The following ZGRF1 variants were observed in gnomAD, a reference collection of about 807,000 sequenced individuals.
ZGRF1 encodes the protein 5'-3' DNA helicase ZGRF1.
A neutral mutation model predicts 203.5 loss-of-function variants in ZGRF1; 196 were observed. The observed-to-expected ratio is 0.96, with a 90% CI of 0.86 to 1.08. The LOEUF (loss-of-function observed/expected upper bound fraction) is 1.08, where lower values mean the gene tolerates loss of function less well. ZGRF1 is among the 50% of genes least tolerant of loss of function. The pLI is 0.00. For missense variants in ZGRF1, 2,326 were observed against 2,416.3 expected, an observed-to-expected ratio of 0.96 and a Z score of 0.78; for synonymous variants, 809 against 841.3, an observed-to-expected ratio of 0.96 and a Z score of 0.66.
intron 7 of ZGRF1, among the ~76,000 whole-genome samples, chr4:112,609,844 T>C (rs891629459): frequency 6.7e-6 from 1 of 150,246 alleles, no homozygotes; most frequent in Non-Finnish European, 1.5e-5. Flanking sequence ...CCATCACTAA[T>C]ATGAAATAAA....
chr4:112,553,407 A>G (rs1283765875), intron 22 of ZGRF1, among the ~76,000 whole-genome samples: 1 of 152,210 alleles, frequency 6.6e-6, no homozygotes, highest in Non-Finnish European at 1.5e-5. Context: ...ACAAACACTA[A>G]AAGTCTTGGC....
rs186580783 is a variant in ZGRF1, at chr4:112,564,462, T to G, written c.4439-1188A>C. On this transcript the variant is annotated intron_variant, in intron 16 of 27. Coordinates refer to ENST00000505019, the MANE Select transcript of ZGRF1 (RefSeq NM_018392.5). Reference sequence around the variant, plus strand: ...TATCAAATTGGATTCATCTTAAATTTTCTCTGCTGCAAATAGGAATGAGAG... The same window carrying G: ...TATCAAATTGGATTCATCTTAAATTGTCTCTGCTGCAAATAGGAATGAGAG... 9.2e-5 allele frequency among the ~76,000 whole-genome samples: 14 copies of G among 152,330 alleles called. No homozygotes were observed. The South Asian group carries it at 2.7e-3, about 29-fold the overall frequency.
chr4:112,593,056 T>C (rs1006652161), intron 10 of ZGRF1, among the ~76,000 whole-genome samples: 2 of 152,244 alleles, frequency 1.3e-5, no homozygotes, highest in Non-Finnish European at 2.9e-5. Flanking sequence ...CAGAATTGGC[T>C]GGAACCTTGA....
intron 22 of ZGRF1, among the ~76,000 whole-genome samples, chr4:112,553,243 T>C (rs1740288773): frequency 6.6e-6 from 1 of 152,202 alleles, no homozygotes; most frequent in African/African-American, 2.4e-5. Context: ...CTGATTGATT[T>C]TTTCTCTTCC....
rs1301684183 is a variant in ZGRF1 at position 112,577,716 on chromosome 4, CAAG to C, written c.4438+3944_4438+3946del. Reference sequence around the variant, plus strand: ...CATAATGGTAAAGGGATCAATTCAACAAGAAGAGCTAACTATCCTAAATGTATA... The same window carrying C: ...CATAATGGTAAAGGGATCAATTCAACAAGAGCTAACTATCCTAAATGTATA... On this transcript the variant is annotated intron_variant, in intron 16 of 27. Transcript: ENST00000505019. 5.7e-5 allele frequency among the ~76,000 whole-genome samples: 7 copies of C among 123,288 alleles called. 2 individuals are homozygous for C. The highest frequency in any genetic ancestry group is 2.0e-4 in the African/African-American group (7 of 35,552). The allele number at this position is 123,288 out of a possible 152,430, so 80.9% of individuals were successfully genotyped here.
intron 3 of ZGRF1, among the ~76,000 whole-genome samples, chr4:112,625,357 C>T (rs547306358): frequency 1.2e-4 from 18 of 151,280 alleles, no homozygotes; most frequent in South Asian, 2.1e-4. Context: ...GAGGCCGAGG[C>T]GGCGGATCAC....
Position 112,570,247 on chromosome 4 carries a change from A to C in ZGRF1, c.4439-6973T>G, listed in dbSNP as rs531052689. ...TCTTGTACTATGCCATTAAAAAAAA[A>C]CCTTAATAATATCACTTCTCAGTCT... is the stretch of plus-strand genomic sequence containing the variant. On this transcript the variant is annotated intron_variant, in intron 16 of 27. Transcript: ENST00000505019. Among the ~76,000 whole-genome samples, 23 of 152,290 alleles carry C rather than the reference A, an allele frequency of 1.5e-4. No individual in the cohort carries two copies. The South Asian group carries it at 1.9e-3, about 12-fold the overall frequency.
chr4:112,617,463 T>G lies in ZGRF1; in HGVS notation c.2579A>C (p.Tyr860Ser), dbSNP rs1406994429. The change falls in exon 6 of 28, where the codon TAT becomes TCT. Residue 860 changes from tyrosine (Y) to serine (S), a missense_variant. Physicochemically the swap from Tyr to Ser is moderately radical, Grantham distance 144. Transcript: ENST00000505019. ...ACCTTCAGGAGGGCTATCTGGCTCA[T>G]ACGTCTGTTGAGTTCCTTGCTGAAA... ...TVFQQGTQQT[Y>S]EPDSPPEVRK... 3 of 1,563,048 alleles carry G rather than the reference T, an allele frequency of 1.9e-6. No individual in the cohort carries two copies. Among genetic ancestry groups the G allele is most frequent in the Non-Finnish European group, 2.6e-6 (3 of 1,159,322 alleles).
intron 16 of ZGRF1, among the ~76,000 whole-genome samples, chr4:112,574,052 A>C (rs1446591019): frequency 6.6e-6 from 1 of 152,236 alleles, no homozygotes; most frequent in Non-Finnish European, 1.5e-5. Flanking sequence ...CCACTTTGGA[A>C]ATCAGTTTGG....
At chr4:112,590,587 T>G (rs1747983564) in intron 10 of ZGRF1, among the ~76,000 whole-genome samples, 1 of 152,112 alleles carries the variant, frequency 6.6e-6, no homozygotes, top group Non-Finnish European at 1.5e-5. Context: ...GTAAATGATT[T>G]GAACTTGTTA....
At chr4:112,598,603 AG>A (rs1268114069) in intron 10 of ZGRF1, among the ~76,000 whole-genome samples, 1 of 152,086 alleles carries the variant, frequency 6.6e-6, no homozygotes, top group African/African-American at 2.4e-5. Flanking sequence ...AAATCACAAT[AG>A]TTATTAAAAG....
chr4:112,606,229 T>TAC, intron 8 of ZGRF1, 138 bp from the exon 9 acceptor site: 2 of 601,698 alleles, frequency 3.3e-6, no homozygotes, highest in East Asian at 2.8e-5. Flanking sequence ...TGCTTCTGTC[T>TAC]ACACACACAT....
chr4:112,584,671 CAA>C (rs1399420406), intron 14 of ZGRF1, among the ~76,000 whole-genome samples: 10 of 152,056 alleles, frequency 6.6e-5, no homozygotes, highest in Non-Finnish European at 1.5e-4. Flanking sequence ...AAAAAGAAAA[CAA>C]AGATTTTTAG....
chr4:112,609,273 T>A (rs1751232666), intron 8 of ZGRF1, 106 bp downstream of exon 8: 1 of 373,874 alleles, frequency 2.7e-6, no homozygotes, highest in Non-Finnish European at 5.1e-6. Flanking sequence ...CAGGATGGTC[T>A]CTATCTCCTG....
At position 112,540,084 on chromosome 4, in the gene ZGRF1, T is replaced by A. The variant is rs780748235; in HGVS notation, c.5951A>T (p.Asp1984Val). 4 of 1,594,994 alleles carry A rather than the reference T, an allele frequency of 2.5e-6. No individual in the cohort carries two copies. The highest frequency in any genetic ancestry group is 3.4e-6 in the Non-Finnish European group (4 of 1,169,114). Residue 1984 changes from aspartate (D) to valine (V), a missense_variant, in exon 27 of 28, where the codon GAT (aspartate) becomes GTT (valine). Coordinates refer to ENST00000505019, the MANE Select transcript of ZGRF1 (RefSeq NM_018392.5). ...TGTGGACACCTGCACAGTTTTAATA[T>A]CAGGATGGTGAAAGTCCACAGCACT... ...LLSAVDFHHP[D>V]IKTVQVSTVD...
intron 19 of ZGRF1, among the ~76,000 whole-genome samples, chr4:112,560,116 G>T (rs1053005589): frequency 3.3e-5 from 5 of 152,340 alleles, no homozygotes; most frequent in Middle Eastern, 3.4e-3. Context: ...AGAAAAGTAG[G>T]ATTAGCTTTG....
rs780067694 is a variant in ZGRF1, at chr4:112,548,428, TAAG to T, written c.5347-51_5347-49del. Reference sequence around the variant, plus strand: ...TTAATTAACAATTATTAAAAGAAAATAAGAGAACGTATTTACCAAAGAACTTGT... The same window carrying T: ...TTAATTAACAATTATTAAAAGAAAATAGAACGTATTTACCAAAGAACTTGT... On this transcript the variant is annotated intron_variant, in intron 22 of 27. Transcript: ENST00000505019. 9.7e-6 allele frequency: 14 copies of T among 1,443,196 alleles called. No individual in the cohort carries two copies. In the African/African-American group the frequency reaches 2.0e-4, roughly 20 times the overall value. The allele number at this position is 1,443,196 out of a possible 1,614,324, so 89.4% of individuals were successfully genotyped here.
intron 14 of ZGRF1, among the ~76,000 whole-genome samples, chr4:112,585,189 G>A (rs577206363): frequency 1.3e-5 from 2 of 152,242 alleles, no homozygotes; most frequent in East Asian, 1.9e-4. Context: ...AGGATGGCTT[G>A]AGCCCGGAAG....
intron 24 of ZGRF1, among the ~76,000 whole-genome samples, chr4:112,542,772 C>A (rs79499511): frequency 0.014 from 2,106 of 150,088 alleles, 15 homozygotes; most frequent in Middle Eastern, 0.045. Flanking sequence ...CCTTTTCTTT[C>A]TTTCCTTCCT....
Sources: allele counts gnomAD v4.1 joint callset (sites outside exome capture counted in the v4.1 genomes callset), GRCh38; gene constraint gnomAD v4.1.1; transcripts MANE v1.5; gene names NCBI Gene and HGNC (gene_info 2026-07-23, HGNC 2026-07-21).